The following NKAIN2 variants were observed in gnomAD, a reference collection of about 807,000 sequenced individuals.
The protein encoded by NKAIN2 is sodium/potassium-transporting ATPase subunit beta-1-interacting protein 2.
NKAIN2 carries 14 observed loss-of-function variants against 32.6 expected under a neutral mutation model. That is an observed-to-expected ratio of 0.43 (90% CI 0.28 to 0.67). The LOEUF is 0.67. NKAIN2 is among the 30% of genes least tolerant of loss of function. The probability of loss-of-function intolerance (pLI) is 0.17; values close to 1 mark genes in which losing one functional copy is unlikely to be tolerated. For synonymous variants in NKAIN2, 80 were observed against 87.2 expected (o/e 0.92, Z 0.46); for missense variants, 198 against 258.3 (o/e 0.77, Z 1.60).
At chr6:124,749,391 C>T (rs1777604124) in intron 4 of NKAIN2, among the ~76,000 whole-genome samples, 1 of 151,894 alleles carries the variant, frequency 6.6e-6, no homozygotes, top group Non-Finnish European at 1.5e-5. Context: ...AACAGGTTCG[C>T]AGGTTATAGG....
intron 1 of NKAIN2, among the ~76,000 whole-genome samples, chr6:124,223,138 G>A (rs1002844929): frequency 4.7e-5 from 7 of 149,642 alleles, no homozygotes; most frequent in Admixed American, 2.0e-4. Flanking sequence ...ATTTCGACCC[G>A]GGAGGTGGAG....
At position 124,314,403 on chromosome 6, in the gene NKAIN2, G is replaced by A. The variant is rs560085253; in HGVS notation, c.192+31261G>A. On this transcript the variant is annotated intron_variant, in intron 2 of 6. Transcript: ENST00000368417. ...TTTTGCAAGATAAAAATGTTTAGACGTTTTCTTGGATTGGAAAATGTGCTC... is the reference window on the plus strand; with the variant it reads ...TTTTGCAAGATAAAAATGTTTAGACATTTTCTTGGATTGGAAAATGTGCTC... 7.2e-5 allele frequency among the ~76,000 whole-genome samples: 11 copies of A among 152,166 alleles called. No individual in the cohort carries two copies. The East Asian group carries it at 1.4e-3, about 19-fold the overall frequency.
At chr6:124,556,109 G>A (rs1265929050) in intron 3 of NKAIN2, among the ~76,000 whole-genome samples, 1 of 146,688 alleles carries the variant, frequency 6.8e-6, no homozygotes, top group Admixed American at 6.8e-5. Flanking sequence ...AAAAAATGAA[G>A]AATCTGATAG....
At chr6:123,847,902 T>C (rs994131124) in intron 1 of NKAIN2, among the ~76,000 whole-genome samples, 1 of 152,116 alleles carries the variant, frequency 6.6e-6, no homozygotes, top group Non-Finnish European at 1.5e-5. Flanking sequence ...CTCCTTGGGA[T>C]CCACTGTGCA....
chr6:124,612,253 A>G (rs927696347), intron 3 of NKAIN2, among the ~76,000 whole-genome samples: 1 of 152,030 alleles, frequency 6.6e-6, no homozygotes, highest in Non-Finnish European at 1.5e-5. Flanking sequence ...GGGGGAAAAA[A>G]AAATAAAAAC....
intron 3 of NKAIN2, among the ~76,000 whole-genome samples, chr6:124,400,044 C>T (rs1426707967): frequency 6.6e-6 from 1 of 151,934 alleles, no homozygotes; most frequent in Non-Finnish European, 1.5e-5. Flanking sequence ...TTCACCAGAG[C>T]CATTATATTT....
chr6:123,839,569 A>G (rs1222049479), intron 1 of NKAIN2, among the ~76,000 whole-genome samples: 1 of 152,094 alleles, frequency 6.6e-6, no homozygotes, highest in East Asian at 1.9e-4. Context: ...TTAATAGCCC[A>G]ATCTTTTTCT....
chr6:124,361,253 G>C (rs1045243256), intron 3 of NKAIN2, among the ~76,000 whole-genome samples: 4 of 151,918 alleles, frequency 2.6e-5, no homozygotes, highest in African/African-American at 9.7e-5. Flanking sequence ...GTGGTCTTCT[G>C]GATTGTCCGT....
chr6:123,936,672 A>G (rs1260704159), intron 1 of NKAIN2, among the ~76,000 whole-genome samples: 1 of 152,146 alleles, frequency 6.6e-6, no homozygotes, highest in Non-Finnish European at 1.5e-5. Flanking sequence ...ACTGGCAGGA[A>G]CTAAACAAGA....
At chr6:124,197,573 C>T (rs1790375350) in intron 1 of NKAIN2, among the ~76,000 whole-genome samples, 1 of 152,122 alleles carries the variant, frequency 6.6e-6, no homozygotes, top group Admixed American at 6.6e-5. Flanking sequence ...CTCTTCATAT[C>T]GTATTTGCTT....
chr6:123,871,968 T>C (rs1001113459), intron 1 of NKAIN2, among the ~76,000 whole-genome samples: 1 of 152,168 alleles, frequency 6.6e-6, no homozygotes, highest in African/African-American at 2.4e-5. Flanking sequence ...TAAAGAGCAG[T>C]GGATTCTAGA....
At chr6:123,937,075 AACCACC>A (rs1199405173) in intron 1 of NKAIN2, among the ~76,000 whole-genome samples, 1 of 152,034 alleles carries the variant, frequency 6.6e-6, no homozygotes, top group Non-Finnish European at 1.5e-5. Context: ...AGGAGCAGCA[AACCACC>A]ACCACCACCA....
chr6:124,036,844 A>G (rs758083401), intron 1 of NKAIN2, among the ~76,000 whole-genome samples: 31 of 152,130 alleles, frequency 2.0e-4, no homozygotes, highest in African/African-American at 6.0e-4. Flanking sequence ...AGCAGCTTTC[A>G]TTTATTTTCC....
chr6:124,044,629 C>G (rs1366998543), intron 1 of NKAIN2, among the ~76,000 whole-genome samples: 3 of 152,046 alleles, frequency 2.0e-5, no homozygotes, highest in East Asian at 1.9e-4. Context: ...GAGCCCCAGG[C>G]CCCTGTAGAG....
At chr6:123,950,398 G>T (rs1458132514) in intron 1 of NKAIN2, among the ~76,000 whole-genome samples, 1 of 151,858 alleles carries the variant, frequency 6.6e-6, no homozygotes, top group Admixed American at 6.6e-5. Context: ...TGAAAGTTTG[G>T]TAGAATTTGG....
At position 123,966,465 on chromosome 6, in the gene NKAIN2, C is replaced by CTA. The variant is rs962204426; in HGVS notation, c.54+162219_54+162220dup. On this transcript the variant is annotated intron_variant, in intron 1 of 6. Coordinates refer to ENST00000368417, the MANE Select transcript of NKAIN2 (RefSeq NM_001040214.3). ...AAGGCACCTTTTTATAGGATTTTTGCTATATATATGTATTAAAGGCTTTAG... is the reference window on the plus strand; with the variant it reads ...AAGGCACCTTTTTATAGGATTTTTGCTATATATATATGTATTAAAGGCTTTAG... 1.2e-4 allele frequency among the ~76,000 whole-genome samples: 19 copies of CTA among 152,172 alleles called. 2 individuals carry two copies. The highest frequency in any genetic ancestry group is 1.0e-3 in the Admixed American group (16 of 15,258).
intron 1 of NKAIN2, among the ~76,000 whole-genome samples, chr6:124,218,239 T>G (rs2114684709): frequency 6.6e-6 from 1 of 152,278 alleles, no homozygotes; most frequent in Non-Finnish European, 1.5e-5. Flanking sequence ...GCTTAAAAGA[T>G]ACATGGCATA....
At chr6:124,550,850 G>A (rs1780261783) in intron 3 of NKAIN2, among the ~76,000 whole-genome samples, 1 of 152,140 alleles carries the variant, frequency 6.6e-6, no homozygotes, top group Admixed American at 6.5e-5. Context: ...AAATGAGGAA[G>A]TTTCTGTTTG....
intron 3 of NKAIN2, among the ~76,000 whole-genome samples, chr6:124,527,771 CAG>C (rs1779374236): frequency 6.6e-6 from 1 of 152,020 alleles, no homozygotes; most frequent in Non-Finnish European, 1.5e-5. Flanking sequence ...TGGAAATTTG[CAG>C]AGTCGGTGGA....
Sources: gnomAD v4.1 joint callset for allele counts (sites outside exome capture counted in the v4.1 genomes callset) on GRCh38, gnomAD v4.1.1 for gene constraint, MANE v1.5 for transcripts, NCBI Gene and HGNC (gene_info 2026-07-23, HGNC 2026-07-21) for gene names.